The following POU6F2 variants were observed in gnomAD, a reference collection of about 807,000 sequenced individuals.
The protein encoded by POU6F2 is POU domain, class 6, transcription factor 2.
Under a neutral mutation model 71.3 loss-of-function variants are expected in POU6F2, and 31 were observed. The ratio of observed to expected loss-of-function variants is 0.43; its 90% CI spans 0.33 to 0.59. The LOEUF is 0.59. Among genes scored for constraint, POU6F2 ranks in the 20% least tolerant of loss-of-function variants. POU6F2 has a pLI of 0.04. For synonymous variants in POU6F2, 347 were observed against 355.7 expected (o/e 0.98, Z 0.27); for missense variants, 783 against 856.8 (o/e 0.91, Z 1.07).
At chr7:39,085,506 A>C (rs1791219245) in intron 1 of POU6F2, among the ~76,000 whole-genome samples, 1 of 152,056 alleles carries the variant, frequency 6.6e-6, no homozygotes, top group Non-Finnish European at 1.5e-5. Context: ...AGACAGAACA[A>C]GGTGTAAAAA....
chr7:39,129,642 T>C (rs1792216674), intron 2 of POU6F2, among the ~76,000 whole-genome samples: 1 of 151,914 alleles, frequency 6.6e-6, no homozygotes, highest in South Asian at 2.1e-4. Flanking sequence ...GATAGATAGA[T>C]AGATAGATAG....
At chr7:39,064,491 C>T (rs188895957) in intron 1 of POU6F2, among the ~76,000 whole-genome samples, 29 of 151,060 alleles carry the variant, frequency 1.9e-4, no homozygotes, top group African/African-American at 4.4e-4. Flanking sequence ...ACAAATGAGA[C>T]GCATAAAGAA....
intron 2 of POU6F2, among the ~76,000 whole-genome samples, chr7:39,153,687 C>A (rs143264494): frequency 6.6e-6 from 1 of 152,258 alleles, no homozygotes; most frequent in African/African-American, 2.4e-5. Context: ...CAGATAAAGT[C>A]GTGGTGCTAC....
At chr7:39,065,964 T>G (rs1182067538) in intron 1 of POU6F2, among the ~76,000 whole-genome samples, 2 of 151,794 alleles carry the variant, frequency 1.3e-5, no homozygotes, top group Non-Finnish European at 3.0e-5. Context: ...TGTCTTGATA[T>G]TAACCCACAA....
At chr7:38,992,619 G>A (rs997733203) in intron 1 of POU6F2, among the ~76,000 whole-genome samples, 6 of 152,140 alleles carry the variant, frequency 3.9e-5, no homozygotes, top group African/African-American at 1.4e-4. Flanking sequence ...GATAAACAAG[G>A]CATGACCAAA....
intron 1 of POU6F2, among the ~76,000 whole-genome samples, chr7:39,019,204 T>C (rs1038125786): frequency 7.9e-5 from 12 of 152,178 alleles, no homozygotes; most frequent in Admixed American, 2.0e-4. Flanking sequence ...CTACTCTTGA[T>C]TGATAGCTAG....
chr7:39,004,657 A>G (rs1387385489), intron 1 of POU6F2, among the ~76,000 whole-genome samples: 3 of 152,222 alleles, frequency 2.0e-5, no homozygotes. Context: ...TTTAACCTGG[A>G]AAGTTGGTAC....
intron 2 of POU6F2, among the ~76,000 whole-genome samples, chr7:39,162,555 G>GA (rs547837341): frequency 1.3e-5 from 2 of 152,178 alleles, no homozygotes; most frequent in Non-Finnish European, 2.9e-5. Flanking sequence ...CATTTAGCAA[G>GA]TCAGATAAAT....
rs1471467761 is a variant in POU6F2, at chr7:39,015,900, G to T, written c.105+37842G>T. 2.3e-4 allele frequency among the ~76,000 whole-genome samples: 18 copies of T among 77,370 alleles called. 2 individuals are homozygous for T. Among genetic ancestry groups the T allele is most frequent in the African/African-American group, 9.5e-4 (17 of 17,932 alleles). 50.8% of individuals were successfully genotyped at this position (77,370 alleles called of 152,430 possible). A position where few individuals can be genotyped will look rare whatever the true frequency, so the allele number is the denominator to read the frequency against. On this transcript the variant is annotated intron_variant, in intron 1 of 9. Transcript: ENST00000518318. ...AGATATATATTATATATTATATATA[G>T]ATATATATTATATATTATATATAGA...
At position 39,432,886 on chromosome 7, in the gene POU6F2, G is replaced by A. The variant is rs934554114; in HGVS notation, c.1114-191G>A. ...CCCTTCCATCACATGAACTCAGTTC[G>A]TGTGTACTTATCTCTGCTTTAGATG... On this transcript the variant is annotated intron_variant, in intron 6 of 9. Coordinates refer to ENST00000518318, the MANE Select transcript of POU6F2 (RefSeq NM_001370959.1). Among the ~76,000 whole-genome samples, 7 of 151,854 alleles carry A rather than the reference G, an allele frequency of 4.6e-5. No individual in the cohort carries two copies. In the South Asian group the frequency reaches 6.2e-4, roughly 14 times the overall value.
intron 5 of POU6F2, among the ~76,000 whole-genome samples, chr7:39,354,578 G>A (rs1168147539): frequency 6.6e-6 from 1 of 152,170 alleles, no homozygotes; most frequent in East Asian, 1.9e-4. Flanking sequence ...GGTTGATGTG[G>A]ACGGCGTATA....
intron 1 of POU6F2, among the ~76,000 whole-genome samples, chr7:39,056,654 C>CTT (rs763113175): frequency 2.2e-3 from 296 of 133,098 alleles, no homozygotes; most frequent in Middle Eastern, 7.9e-3. Flanking sequence ...CTTTTTCTCT[C>CTT]TCTCTCTCTG....
intron 5 of POU6F2, among the ~76,000 whole-genome samples, chr7:39,376,065 T>G (rs1490603624): frequency 6.6e-6 from 1 of 152,154 alleles, no homozygotes; most frequent in Non-Finnish European, 1.5e-5. Flanking sequence ...TTCACTAACC[T>G]TTTTTTATTT....
At chr7:39,345,824 A>G (rs1786022853) in intron 5 of POU6F2, among the ~76,000 whole-genome samples, 1 of 152,196 alleles carries the variant, frequency 6.6e-6, no homozygotes, top group South Asian at 2.1e-4. Context: ...ATCAAATATA[A>G]CATACTGATG....
intron 4 of POU6F2, among the ~76,000 whole-genome samples, chr7:39,213,876 G>A (rs528681975): frequency 3.9e-5 from 6 of 152,294 alleles, no homozygotes; most frequent in African/African-American, 1.4e-4. Flanking sequence ...TTGGCCCTTG[G>A]CCACACCCCT....
chr7:39,018,395 A>C (rs1259440533), intron 1 of POU6F2, among the ~76,000 whole-genome samples: 1 of 152,138 alleles, frequency 6.6e-6, no homozygotes, highest in Non-Finnish European at 1.5e-5. Flanking sequence ...GTTGTGCCGG[A>C]AGCCATGACC....
chr7:39,354,262 G>T (rs976137455), intron 5 of POU6F2, among the ~76,000 whole-genome samples: 2 of 152,226 alleles, frequency 1.3e-5, no homozygotes, highest in African/African-American at 4.8e-5. Context: ...TTGGCTTTGT[G>T]CTTTTGTTTT....
At chr7:39,209,680 A>G (rs1313784137) in intron 4 of POU6F2, among the ~76,000 whole-genome samples, 1 of 152,190 alleles carries the variant, frequency 6.6e-6, no homozygotes. Context: ...CTAAAGGGCA[A>G]AGCCAGTGGT....
intron 1 of POU6F2, among the ~76,000 whole-genome samples, chr7:38,991,780 T>G: frequency 6.6e-6 from 1 of 152,104 alleles, no homozygotes. Context: ...AGAATAGAAT[T>G]AACGGCTCTT....
Sources: allele counts gnomAD v4.1 joint callset (sites outside exome capture counted in the v4.1 genomes callset), GRCh38; gene constraint gnomAD v4.1.1; transcripts MANE v1.5; gene names NCBI Gene and HGNC (gene_info 2026-07-23, HGNC 2026-07-21).